Variants in TFEC observed in about 807,000 individuals in gnomAD.
TFEC encodes the protein transcription factor EC, also known as class E basic helix-loop-helix protein 34.
Under a neutral mutation model 41.6 loss-of-function variants are expected in TFEC, and 31 were observed. The observed-to-expected ratio is 0.74, with a 90% confidence interval of 0.56 to 1.01. The LOEUF is 1.01. Ranked by LOEUF, TFEC falls within the 50% of genes least tolerant of loss-of-function variation. The pLI, the probability that TFEC is intolerant of heterozygous loss-of-function variation, is 0.00. For synonymous variants in TFEC, 143 were observed against 140.6 expected, an observed-to-expected ratio of 1.02 and a Z score of -0.12; for missense variants, 402 against 404.1, an observed-to-expected ratio of 0.99 and a Z score of 0.04.
chr7:116,044,855 TC>T (rs1188001519), intron 3 of TFEC, among the ~76,000 whole-genome samples: 1 of 152,208 alleles, frequency 6.6e-6, no homozygotes, highest in Non-Finnish European at 1.5e-5. Flanking sequence ...TGAGGTTTTT[TC>T]CCCCAAATTT....
At chr7:116,022,709 T>C (rs111880856) in intron 1 of TFEC, among the ~76,000 whole-genome samples, 14 of 152,334 alleles carry the variant, frequency 9.2e-5, no homozygotes, top group Middle Eastern at 3.4e-3. Context: ...TCGACTTCTT[T>C]TTTACAGGTC....
rs576988706 is a variant in TFEC at position 115,990,574 on chromosome 7, T to G, written c.-72-6061A>C. ...GAGCTGAAAACCATGGCACGAGAATTACGTGATGAATGCACAAGCTTCAGT... is the reference window on the plus strand; with the variant it reads ...GAGCTGAAAACCATGGCACGAGAATGACGTGATGAATGCACAAGCTTCAGT... On this transcript the variant is annotated intron_variant, in intron 1 of 7. Transcript: ENST00000265440. Among the ~76,000 whole-genome samples, 25 of 152,170 alleles carry G rather than the reference T, an allele frequency of 1.6e-4. No homozygotes were observed. In the South Asian group the frequency reaches 5.2e-3, roughly 32 times the overall value.
At chr7:116,117,662 A>T (rs1304948416) in intron 1 of TFEC, 1 of 151,870 alleles carries the variant, frequency 6.6e-6, no homozygotes, top group Non-Finnish European at 1.5e-5. Context: ...AAGACGAATA[A>T]GTTAGAAGAA....
chr7:116,029,156 G>A (rs552661102), intron 1 of TFEC, among the ~76,000 whole-genome samples: 1 of 151,064 alleles, frequency 6.6e-6, no homozygotes, highest in Non-Finnish European at 1.5e-5. Flanking sequence ...CTACTGTTTT[G>A]GAATAAAATT....
intron 1 of TFEC, among the ~76,000 whole-genome samples, chr7:115,989,264 G>A (rs1275834588): frequency 6.6e-6 from 1 of 152,044 alleles, no homozygotes; most frequent in Non-Finnish European, 1.5e-5. Context: ...AAATAATAAG[G>A]CAATCATGGG....
intron 3 of TFEC, among the ~76,000 whole-genome samples, chr7:116,103,827 G>T (rs1797658290): frequency 6.6e-6 from 1 of 152,076 alleles, no homozygotes; most frequent in Non-Finnish European, 1.5e-5. Flanking sequence ...AAAATCTAAA[G>T]AAGTATTTTT....
chr7:115,936,811 A>G lies in TFEC; in HGVS notation c.*3740T>C, dbSNP rs1031844478. ...TGATTTACAGTCATGTAGGTGGGAA[A>G]AAAATGAGTTGAAAAAGGAAGAGGA... On this transcript the variant is annotated 3_prime_UTR_variant, in exon 8 of 8. Transcript: ENST00000265440. 5 of 151,560 alleles carry G rather than the reference A, an allele frequency of 3.3e-5. No homozygotes were observed. Among genetic ancestry groups the G allele is most frequent in the African/African-American group, 1.2e-4 (5 of 41,376 alleles). The allele number at this position is 151,560 out of a possible 1,614,324, so 9.4% of individuals were successfully genotyped here.
intron 3 of TFEC, among the ~76,000 whole-genome samples, chr7:116,092,964 C>T (rs765621188): frequency 6.6e-6 from 1 of 152,074 alleles, no homozygotes; most frequent in Non-Finnish European, 1.5e-5. Context: ...CCAATAAGTG[C>T]CCTTACAACA....
intron 6 of TFEC, among the ~76,000 whole-genome samples, chr7:115,944,485 C>T (rs1793687335): frequency 6.6e-6 from 1 of 151,480 alleles, no homozygotes; most frequent in South Asian, 2.2e-4. Context: ...CAGCTGTTCT[C>T]TATATTACTT....
chr7:116,027,325 C>T (rs903233790), intron 1 of TFEC, among the ~76,000 whole-genome samples: 7 of 152,068 alleles, frequency 4.6e-5, no homozygotes, highest in African/African-American at 1.7e-4. Context: ...GTTGCTCATG[C>T]CTGTAATCCC....
chr7:116,050,031 A>T lies in TFEC; in HGVS notation c.198+60677T>A, dbSNP rs562763470. On this transcript the variant is annotated intron_variant, in intron 3 of 8. Transcript: ENST00000484212. ...AAATGCCCACAAGAGAAAGCAGGAA[A>T]GATCTAAAATTGACACCCTAACAAC... Among the ~76,000 whole-genome samples, 24 of 152,350 alleles carry T rather than the reference A, an allele frequency of 1.6e-4. No individual in the cohort carries two copies. The East Asian group carries it at 4.6e-3, about 29-fold the overall frequency.
chr7:116,066,957 G>A (rs1796709023), intron 3 of TFEC, among the ~76,000 whole-genome samples: 1 of 152,004 alleles, frequency 6.6e-6, no homozygotes, highest in Non-Finnish European at 1.5e-5. Context: ...AATATTTGGA[G>A]TTTAATCATT....
At chr7:116,097,711 T>C (rs762659701) in intron 3 of TFEC, among the ~76,000 whole-genome samples, 2 of 152,164 alleles carry the variant, frequency 1.3e-5, no homozygotes, top group African/African-American at 2.4e-5. Context: ...TTGTATTTGA[T>C]ATTTTTAAAC....
chr7:115,946,756 G>T (rs184868411), intron 6 of TFEC, among the ~76,000 whole-genome samples: 3 of 142,890 alleles, frequency 2.1e-5, no homozygotes, highest in East Asian at 2.1e-4. Flanking sequence ...GGTTGATCTT[G>T]AACTCCCGGC....
At position 116,025,944 on chromosome 7, in the gene TFEC, A is replaced by G. The variant is rs565559879; in HGVS notation, c.-73+4689T>C. On this transcript the variant is annotated intron_variant, in intron 1 of 7. Coordinates refer to ENST00000265440, the MANE Select transcript of TFEC (RefSeq NM_012252.4). ...TCATTTTTGCTCTCTTAAATCGGAT[A>G]CAGAAACACTCTATCAACAAAAATT... Among the ~76,000 whole-genome samples the G allele has an allele frequency of 2.0e-5, 3 of 152,372 alleles. No individual in the cohort carries two copies. The South Asian group carries it at 6.2e-4, about 32-fold the overall frequency.
At chr7:116,007,793 T>C (rs892846512) in intron 1 of TFEC, among the ~76,000 whole-genome samples, 1 of 152,206 alleles carries the variant, frequency 6.6e-6, no homozygotes, top group African/African-American at 2.4e-5. Flanking sequence ...TCTCCTTAAA[T>C]ATTGTGATAA....
chr7:115,989,865 T>C (rs905558239), intron 1 of TFEC, among the ~76,000 whole-genome samples: 10 of 152,198 alleles, frequency 6.6e-5, no homozygotes, highest in African/African-American at 2.2e-4. Context: ...TCTGACAGCT[T>C]TGAAGAGAGT....
intron 1 of TFEC, among the ~76,000 whole-genome samples, chr7:116,115,849 G>A (rs996921252): frequency 1.3e-5 from 2 of 151,830 alleles, no homozygotes; most frequent in African/African-American, 4.8e-5. Context: ...TTTATATGCC[G>A]GATGTTTTTA....
chr7:116,113,338 A>G (rs1284612154), intron 1 of TFEC, among the ~76,000 whole-genome samples: 1 of 151,994 alleles, frequency 6.6e-6, no homozygotes, highest in Non-Finnish European at 1.5e-5. Flanking sequence ...CACAGAGAAC[A>G]TGGACAGAGA....
Sources: allele counts gnomAD v4.1 joint callset (sites outside exome capture counted in the v4.1 genomes callset), GRCh38; gene constraint gnomAD v4.1.1; transcripts MANE v1.5; gene names NCBI Gene and HGNC (gene_info 2026-07-23, HGNC 2026-07-21).